The following KCNMA1 variants were observed in gnomAD, a reference collection of about 807,000 sequenced individuals.
KCNMA1 encodes potassium calcium-activated channel subfamily M alpha 1.
Under a neutral mutation model 140.0 loss-of-function variants are expected in KCNMA1, and 29 were observed. The ratio of observed to expected loss-of-function variants is 0.21; its 90% CI spans 0.15 to 0.28. The LOEUF is 0.28. Among genes scored for constraint, KCNMA1 ranks in the 10% least tolerant of loss-of-function variants. KCNMA1 has a pLI of 1.00. For missense variants in KCNMA1, 880 were observed against 1,602.2 expected, an observed-to-expected ratio of 0.55 and a Z score of 7.70; for synonymous variants, 612 against 611.9, an observed-to-expected ratio of 1.00 and a Z score of 0.00.
intron 7 of KCNMA1, among the ~76,000 whole-genome samples, chr10:77,111,172 C>CTAG (rs1405881963): frequency 6.6e-6 from 1 of 152,188 alleles, no homozygotes; most frequent in Non-Finnish European, 1.5e-5. Flanking sequence ...GCCAACAAGG[C>CTAG]TAGTAGGTGG....
chr10:77,015,899 T>C (rs2091940334), intron 17 of KCNMA1, among the ~76,000 whole-genome samples: 1 of 152,136 alleles, frequency 6.6e-6, no homozygotes, highest in Non-Finnish European at 1.5e-5. Context: ...ACCTAAACTA[T>C]GCAATAGGCG....
intron 14 of KCNMA1, among the ~76,000 whole-genome samples, chr10:77,050,876 A>G (rs541856328): frequency 4.6e-5 from 7 of 152,226 alleles, no homozygotes; most frequent in Non-Finnish European, 1.0e-4. Flanking sequence ...CCAGTTACAG[A>G]GAAAGCTTTT....
intron 16 of KCNMA1, chr10:77,025,486 A>G (rs768749164): frequency 1.9e-6 from 3 of 1,582,116 alleles, no homozygotes; most frequent in Non-Finnish European, 2.6e-6. Flanking sequence ...AGAATTTAAA[A>G]TCAAACAATT....
chr10:77,016,295 A>G (rs992075545), intron 17 of KCNMA1, among the ~76,000 whole-genome samples: 5 of 152,292 alleles, frequency 3.3e-5, no homozygotes, highest in African/African-American at 1.2e-4. Flanking sequence ...ACCCAGTTGC[A>G]TTAATTCTTT....
chr10:77,113,107 C>T (rs1479915781), intron 6 of KCNMA1, among the ~76,000 whole-genome samples: 1 of 152,098 alleles, frequency 6.6e-6, no homozygotes, highest in Non-Finnish European at 1.5e-5. Flanking sequence ...GTTTCATGCA[C>T]TGCATTTGGC....
intron 23 of KCNMA1, among the ~76,000 whole-genome samples, chr10:76,922,359 T>C (rs1489676568): frequency 3.9e-5 from 6 of 152,154 alleles, no homozygotes; most frequent in Non-Finnish European, 1.5e-5. Flanking sequence ...TAACTCCTTC[T>C]ATGCATAAGA....
At chr10:77,258,532 G>A (rs2061300446) in intron 2 of KCNMA1, among the ~76,000 whole-genome samples, 1 of 152,132 alleles carries the variant, frequency 6.6e-6, no homozygotes, top group African/African-American at 2.4e-5. Context: ...GTTTTTGCAG[G>A]CTTTAGCCTT....
chr10:77,366,734 C>T (rs59747043), intron 2 of KCNMA1, among the ~76,000 whole-genome samples: 6,136 of 152,234 alleles, frequency 0.04, 423 homozygotes, highest in African/African-American at 0.14. Flanking sequence ...ATGTTCTTTA[C>T]AAATGTGGAT....
At chr10:77,067,164 G>A (rs2095985713) in intron 14 of KCNMA1, among the ~76,000 whole-genome samples, 1 of 152,168 alleles carries the variant, frequency 6.6e-6, no homozygotes, top group South Asian at 2.1e-4. Context: ...AGTGAGTAAA[G>A]CAGATTGCTC....
intron 2 of KCNMA1, among the ~76,000 whole-genome samples, chr10:77,254,472 C>T (rs1405706707): frequency 1.3e-5 from 2 of 152,150 alleles, no homozygotes; most frequent in Admixed American, 6.5e-5. Flanking sequence ...AACCACCTGG[C>T]TCAGCCTCCC....
intron 1 of KCNMA1, among the ~76,000 whole-genome samples, chr10:77,528,748 G>A (rs2056715767): frequency 6.6e-6 from 1 of 152,154 alleles, no homozygotes; most frequent in Admixed American, 6.5e-5. Flanking sequence ...AATGTGGTGT[G>A]GCCATGCACA....
intron 2 of KCNMA1, among the ~76,000 whole-genome samples, chr10:77,255,653 C>T (rs1342727098): frequency 2.0e-5 from 3 of 151,692 alleles, no homozygotes; most frequent in East Asian, 1.9e-4. Context: ...GTGGCTCACA[C>T]CTGTAATCCC....
At chr10:77,333,410 GA>G (rs1241975927) in intron 2 of KCNMA1, among the ~76,000 whole-genome samples, 9 of 138,766 alleles carry the variant, frequency 6.5e-5, no homozygotes, top group Non-Finnish European at 1.3e-4. Context: ...GAAAAGAAAA[GA>G]AAAGAAAAGA....
chr10:77,060,559 C>A (rs1449246041), intron 14 of KCNMA1, among the ~76,000 whole-genome samples: 1 of 152,142 alleles, frequency 6.6e-6, no homozygotes, highest in Non-Finnish European at 1.5e-5. Context: ...AAAGTCTCAC[C>A]CATAACTGAT....
At chr10:77,633,818 C>T (rs1022743162) in intron 1 of KCNMA1, among the ~76,000 whole-genome samples, 37 of 152,300 alleles carry the variant, frequency 2.4e-4, no homozygotes, top group Non-Finnish European at 2.2e-4. Context: ...CAAACCACAG[C>T]TCCAACAGGA....
chr10:77,427,724 TATTTATTTATTTATTTA>T (rs2097052370), intron 1 of KCNMA1, among the ~76,000 whole-genome samples: 2 of 100,362 alleles, frequency 2.0e-5, no homozygotes, highest in Admixed American at 9.3e-5. Context: ...TCCATTCATT[TATTTATTTATTTATTTA>T]TTTATTTATT....
intron 17 of KCNMA1, among the ~76,000 whole-genome samples, chr10:77,013,293 C>T (rs56296618): frequency 0.058 from 8,827 of 152,202 alleles, 381 homozygotes; most frequent in Non-Finnish European, 0.084. Context: ...AGGAGGTTGT[C>T]GTGGACTGCC....
At chr10:77,474,114 G>C in intron 1 of KCNMA1, among the ~76,000 whole-genome samples, 1 of 152,170 alleles carries the variant, frequency 6.6e-6, no homozygotes, top group East Asian at 1.9e-4. Context: ...CATTCACCAA[G>C]ACTTCCAACA....
chr10:76,898,461 A>C (rs937099840), intron 25 of KCNMA1, among the ~76,000 whole-genome samples: 5 of 151,842 alleles, frequency 3.3e-5, no homozygotes, highest in Non-Finnish European at 7.4e-5. Flanking sequence ...AAAATTGAGG[A>C]TATAATCAGG....
Sources: allele counts gnomAD v4.1 joint callset (sites outside exome capture counted in the v4.1 genomes callset), GRCh38; gene constraint gnomAD v4.1.1; transcripts MANE v1.5; gene names NCBI Gene and HGNC (gene_info 2026-07-23, HGNC 2026-07-21).